Variants in IRF3 observed in about 807,000 individuals in gnomAD.
IRF3 encodes interferon regulatory factor 3.
In IRF3, 29 loss-of-function variants were observed where a neutral mutation model predicts 43.2. The observed-to-expected ratio is 0.67, with a 90% CI of 0.50 to 0.91. The LOEUF (loss-of-function observed/expected upper bound fraction) is 0.91, where lower values mean the gene tolerates loss of function less well. Ranked by LOEUF, IRF3 falls within the 40% of genes least tolerant of loss-of-function variation. The probability of loss-of-function intolerance (pLI) is 0.00; values close to 1 mark genes in which losing one functional copy is unlikely to be tolerated. For synonymous variants in IRF3, 228 were observed against 233.9 expected (o/e 0.97, Z 0.23); for missense variants, 505 against 559.1 (o/e 0.90, Z 0.98).
chr19:49,664,450 C>G (rs2042137914), intron 2 of IRF3: 1 of 1,515,332 alleles, frequency 6.6e-7, no homozygotes, highest in Non-Finnish European at 8.8e-7. Context: ...AACCGGCTTT[C>G]CCGGTTTTAT....
At chr19:49,664,045 G>GTT (rs2081499648) in intron 2 of IRF3, among the ~76,000 whole-genome samples, 1 of 152,146 alleles carries the variant, frequency 6.6e-6, no homozygotes, top group Admixed American at 6.5e-5. Context: ...TTTCGCTTTT[G>GTT]TTTTTAAAGA....
In IRF3 at chr19:49,662,601, T is replaced by C. The variant is rs2037650000; in HGVS notation, c.425A>G (p.Glu142Gly). The C allele has an allele frequency of 6.5e-7, 1 of 1,527,618 alleles. No homozygotes were observed. The highest frequency in any genetic ancestry group is 8.8e-7 in the Non-Finnish European group (1 of 1,141,248). 94.6% of individuals were successfully genotyped at this position (1,527,618 alleles called of 1,614,324 possible). Residue 142 changes from glutamate to glycine, a missense_variant, in exon 5 of 8, where the codon GAG (glutamate) becomes GGG (glycine). Transcript: ENST00000377139. ...GGCCAACACCATGTTACCCAGTAACTCATCCAGAATGTCTTCCTGGAGGGA... is the reference window on the plus strand; with the variant it reads ...GGCCAACACCATGTTACCCAGTAACCCATCCAGAATGTCTTCCTGGAGGGA... ...TSDTQEDILD[E>G]LLGNMVLAPL...
Position 49,659,997 on chromosome 19 carries a change from A to ATACACACACACACACACACACG in IRF3, c.1099-165_1099-164insCGTGTGTGTGTGTGTGTGTGTA, listed in dbSNP as rs1568451541. Among the ~76,000 whole-genome samples the ATACACACACACACACACACACG allele has an allele frequency of 1.6e-3, 126 of 76,614 alleles. 2 individuals carry two copies. Among genetic ancestry groups the ATACACACACACACACACACACG allele is most frequent in the South Asian group, 1.7e-3 (4 of 2,372 alleles). The allele number at this position is 76,614 out of a possible 152,430, so 50.3% of individuals were successfully genotyped here. ...GAGTTGTAGTTTTACACACACACAC[A>ATACACACACACACACACACACG]CACACACACACACACACACACACAC... is the stretch of plus-strand genomic sequence containing the variant. On this transcript the variant is annotated intron_variant, in intron 7 of 7. Transcript: ENST00000377139.
intron 6 of IRF3, 88 bp downstream of exon 6, chr19:49,661,860 T>G: frequency 1.3e-6 from 2 of 1,482,912 alleles, no homozygotes; most frequent in Non-Finnish European, 1.8e-6. Flanking sequence ...ACTACAGGCG[T>G]GAGCCACCGT....
chr19:49,660,843 GCCTAGTCAGGGATGAGAAGAGGAC>G lies in IRF3; in HGVS notation c.983-39_983-16del. 1 of 1,578,796 alleles carries G rather than the reference GCCTAGTCAGGGATGAGAAGAGGAC, an allele frequency of 6.3e-7. No homozygotes were observed. Among genetic ancestry groups the G allele is most frequent in the Non-Finnish European group, 8.6e-7 (1 of 1,162,306 alleles). Reference sequence around the variant, plus strand: ...GGTAATCAGATCTGGGGGCCCAGGAGCCTAGTCAGGGATGAGAAGAGGACCCTCTACCCACCCTTCCCCGTAAAC... The same window carrying G: ...GGTAATCAGATCTGGGGGCCCAGGAGCCTCTACCCACCCTTCCCCGTAAAC... On this transcript the variant is annotated splice_polypyrimidine_tract_variant and intron_variant, in intron 6 of 7. Transcript: ENST00000377139.
intron 1 of IRF3, 119 bp downstream of exon 1, chr19:49,665,512 C>T (rs1271776246): frequency 1.7e-5 from 5 of 290,272 alleles, no homozygotes; most frequent in Non-Finnish European, 3.3e-5. Context: ...TAGCTCCTTC[C>T]TTGCTCCACT....
Position 49,665,626 on chromosome 19 carries a change from G to A in IRF3, c.-9+5C>T, listed in dbSNP as rs921958033. 1 of 656,082 alleles carries A rather than the reference G, an allele frequency of 1.5e-6. No individual in the cohort carries two copies. Among genetic ancestry groups the A allele is most frequent in the Non-Finnish European group, 2.5e-6 (1 of 396,026 alleles). The allele number at this position is 656,082 out of a possible 1,614,324, so 40.6% of individuals were successfully genotyped here. A position where few individuals can be genotyped will look rare whatever the true frequency, so the allele number is the denominator to read the frequency against. On this transcript the variant is annotated splice_donor_5th_base_variant and intron_variant, in intron 1 of 7. Transcript: ENST00000377139. ...CCAACGCTCTCCCGGGCTCTTCCGC[G>A]TTACCTACGATGGAAGGTCGGGGCG...
chr19:49,665,036 G>A (rs1030091438), intron 1 of IRF3, 190 bp from the exon 2 acceptor site: 2 of 620,440 alleles, frequency 3.2e-6, no homozygotes, highest in African/African-American at 1.9e-5. Context: ...ATCAGCTAGG[G>A]TTCCTTCCCA....
At chr19:49,665,590 C>G in intron 1 of IRF3, 41 bp downstream of exon 1, 1 of 541,684 alleles carries the variant, frequency 1.8e-6, no homozygotes, top group Non-Finnish European at 3.3e-6. Context: ...GCTCCTCGCT[C>G]TCGGACGCCA....
chr19:49,662,762 C>A, intron 4 of IRF3, 145 bp from the exon 5 acceptor site: 1 of 681,514 alleles, frequency 1.5e-6, no homozygotes, highest in Non-Finnish European at 2.4e-6. Context: ...ACAGAGCCAG[C>A]CATGGCATCA....
Position 49,662,261 on chromosome 19 carries a change from C to T in IRF3, c.669G>A (p.Pro223=), listed in dbSNP as rs778251209. The T allele has an allele frequency of 1.2e-4, 187 of 1,613,824 alleles. No homozygotes were observed. Among genetic ancestry groups the T allele is most frequent in the Non-Finnish European group, 1.5e-4 (176 of 1,180,062 alleles). ...RQVFQQTISC[P]EGLRLVGSEV... Reference sequence around the variant, plus strand: ...CGGACCCCACCAGCCGCAGGCCCTCCGGGCAGGAGATGGTCTGCTGGAAGA... The same window carrying T: ...CGGACCCCACCAGCCGCAGGCCCTCTGGGCAGGAGATGGTCTGCTGGAAGA... Residue 223 remains proline, a synonymous_variant, in exon 6 of 8, where the codon CCG becomes CCA. Coordinates refer to ENST00000377139, the MANE Select transcript of IRF3 (RefSeq NM_001571.6).
rs2081701278 is a variant in IRF3, at chr19:49,665,746, C to T, written c.-124G>A. 1 of 1,520,164 alleles carries T rather than the reference C, an allele frequency of 6.6e-7. No homozygotes were observed. The highest frequency in any genetic ancestry group is 8.9e-7 in the Non-Finnish European group (1 of 1,128,408). 94.2% of individuals were successfully genotyped at this position (1,520,164 alleles called of 1,614,324 possible). On this transcript the variant is annotated 5_prime_UTR_variant, in exon 1 of 8. Transcript: ENST00000377139. Reference sequence around the variant, plus strand: ...CTTTCCCGTCAGCTGAGCTCTAGAGCGCTGGGGCTTTCTTTTTGATCGACT... The same window carrying T: ...CTTTCCCGTCAGCTGAGCTCTAGAGTGCTGGGGCTTTCTTTTTGATCGACT...
At chr19:49,664,186 G>A (rs953653255) in intron 2 of IRF3, among the ~76,000 whole-genome samples, 8 of 152,086 alleles carry the variant, frequency 5.3e-5, no homozygotes, top group African/African-American at 1.7e-4. Flanking sequence ...TTCTTTCTAA[G>A]CCAGGCTTCC....
chr19:49,665,852 C>T lies in IRF3; in HGVS notation c.-230G>A. 6.2e-7 allele frequency: 1 copy of T among 1,606,514 alleles called. No homozygotes were observed. The highest frequency in any genetic ancestry group is 8.5e-7 in the Non-Finnish European group (1 of 1,173,804). On this transcript the variant is annotated 5_prime_UTR_variant, in exon 1 of 8. Transcript: ENST00000377139. ...GGACGGCCCGCTGGGCTGTTCCCGC[C>T]CCTATGCCCTTTTTTGGGTTTCCGG...
rs1048694773 is a variant in IRF3 at position 49,663,139 on chromosome 19, T to A, written c.408+49A>T. 2.0e-6 allele frequency: 3 copies of A among 1,505,156 alleles called. No homozygotes were observed. The Admixed American group carries it at 5.0e-5, about 25-fold the overall frequency. The allele number at this position is 1,505,156 out of a possible 1,614,324, so 93.2% of individuals were successfully genotyped here. On this transcript the variant is annotated intron_variant, in intron 4 of 7. Coordinates refer to ENST00000377139, the MANE Select transcript of IRF3 (RefSeq NM_001571.6). ...GTCTAGAGGGAGAGGACAAGGCCCA[T>A]GGAGACAGGTCGGAGACTGAGGGGC... is the stretch of plus-strand genomic sequence containing the variant.
chr19:49,664,533 C>A, intron 2 of IRF3, 141 bp downstream of exon 2: 1 of 1,585,482 alleles, frequency 6.3e-7, no homozygotes, highest in Non-Finnish European at 8.5e-7. Context: ...CCCCGCCCCT[C>A]CCGTTCTAGC....
intron 6 of IRF3, 120 bp from the exon 7 acceptor site, chr19:49,660,948 A>G: frequency 8.5e-7 from 1 of 1,179,828 alleles, no homozygotes; most frequent in Non-Finnish European, 1.2e-6. Flanking sequence ...TGCCTCGACC[A>G]GGGGACTGCT....
At chr19:49,664,553 C>T (rs2081553785) in intron 2 of IRF3, 121 bp downstream of exon 2, 1 of 1,604,882 alleles carries the variant, frequency 6.2e-7, no homozygotes, top group Non-Finnish European at 8.5e-7. Flanking sequence ...CCCCACCCAC[C>T]AGCGTTGGCA....
At chr19:49,664,984 ACCT>A (rs969661775) in intron 1 of IRF3, 138 bp from the exon 2 acceptor site, 88 of 883,106 alleles carry the variant, frequency 1.0e-4, no homozygotes, top group East Asian at 2.2e-4. Context: ...CAAACAGGAA[ACCT>A]CCTCTTCCCA....
Sources: allele counts gnomAD v4.1 joint callset (sites outside exome capture counted in the v4.1 genomes callset), GRCh38; gene constraint gnomAD v4.1.1; transcripts MANE v1.5; gene names NCBI Gene and HGNC (gene_info 2026-07-23, HGNC 2026-07-21).